RGS3: variants seen among roughly 807,000 people sequenced by gnomAD.
RGS3 encodes the protein regulator of G-protein signalling 3.
Under a neutral mutation model 132.6 loss-of-function variants are expected in RGS3, and 80 were observed. That is an observed-to-expected ratio of 0.60 (90% CI 0.50 to 0.73). The LOEUF is 0.73. Ranked by LOEUF, RGS3 falls within the 30% of genes least tolerant of loss-of-function variation. The probability of loss-of-function intolerance (pLI) is 0.00; values close to 1 mark genes in which losing one functional copy is unlikely to be tolerated. For missense variants in RGS3, 1,382 were observed against 1,530.8 expected (o/e 0.90, Z 1.62); for synonymous variants, 598 against 620.6 (o/e 0.96, Z 0.54).
chr9:113,565,182 G>C lies in RGS3; in HGVS notation c.2038-18268G>C. The C allele has an allele frequency of 8.1e-7, 1 of 1,231,488 alleles. No homozygotes were observed. Among genetic ancestry groups the C allele is most frequent in the Non-Finnish European group, 1.0e-6 (1 of 960,334 alleles). The allele number at this position is 1,231,488 out of a possible 1,614,324, so 76.3% of individuals were successfully genotyped here. A position where few individuals can be genotyped will look rare whatever the true frequency, so the allele number is the denominator to read the frequency against. Reference sequence around the variant, plus strand: ...CCTATGCGTGTGAGCATGTAACCCGGGAGCCAGCTGGGCCCCTCGCGGGGT... The same window carrying C: ...CCTATGCGTGTGAGCATGTAACCCGCGAGCCAGCTGGGCCCCTCGCGGGGT... On this transcript the variant is annotated intron_variant, in intron 19 of 24. Coordinates refer to ENST00000350696, the Ensembl canonical transcript of RGS3. The surrounding 1 kb of genome is among the most constrained non-coding windows in gnomAD (Gnocchi z 5.7).
intron 6 of RGS3, among the ~76,000 whole-genome samples, chr9:113,484,669 G>A (rs1394697027): frequency 6.6e-6 from 1 of 152,126 alleles, no homozygotes; most frequent in African/African-American, 2.4e-5. Context: ...TGTAAAATGG[G>A]GCTAATAATA....
At chr9:113,508,395 T>G in intron 13 of RGS3, 146 bp from the exon 12 acceptor site, 3 of 745,574 alleles carry the variant, frequency 4.0e-6, no homozygotes, top group Non-Finnish European at 6.9e-6. Context: ...GCCTCCTCCC[T>G]CAGCTGGTTA....
At chr9:113,551,278 T>C (rs1833328045) in intron 19 of RGS3, among the ~76,000 whole-genome samples, 1 of 152,250 alleles carries the variant, frequency 6.6e-6, no homozygotes, top group South Asian at 2.1e-4. Context: ...TTCAGGATCA[T>C]CCATGTTGTA....
exon 20 of RGS3, chr9:113,583,914 G>C (rs1370938997): frequency 6.2e-7 from 1 of 1,614,080 alleles, no homozygotes; most frequent in East Asian, 2.2e-5. Context: ...AGGACACCAT[G>C]AGCTCCGGGG....
chr9:113,519,510 CAAA>C (rs35813905), intron 16 of RGS3, among the ~76,000 whole-genome samples: 22 of 99,570 alleles, frequency 2.2e-4, no homozygotes, highest in Admixed American at 4.7e-4. Context: ...TTACTCACAC[CAAA>C]AAAAAAAAAA....
chr9:113,485,332 G>A (rs1307574765), intron 6 of RGS3, among the ~76,000 whole-genome samples: 1 of 151,970 alleles, frequency 6.6e-6, no homozygotes, highest in Non-Finnish European at 1.5e-5. Flanking sequence ...CTCATGATCC[G>A]CCCACCTCTG....
At chr9:113,597,062 G>C in exon 25 of RGS3, 1 of 882,080 alleles carries the variant, frequency 1.1e-6, no homozygotes, top group South Asian at 1.7e-5. Flanking sequence ...CAGAGGCTGT[G>C]TCTCTGGACA....
rs537927445 is a variant in RGS3 at position 113,522,590 on chromosome 9, C to G, written c.1759-340C>G. ...GGTGCTGGGCTGGAGGCTCCAGGAG[C>G]ATTTGGTCAGAGATGTAGGCTTCGG... On this transcript the variant is annotated intron_variant, in intron 16 of 24. Transcript: ENST00000350696. 3.9e-5 allele frequency: 10 copies of G among 256,216 alleles called. No homozygotes were observed. In the East Asian group the frequency reaches 8.7e-4, roughly 22 times the overall value. 15.9% of individuals were successfully genotyped at this position (256,216 alleles called of 1,614,324 possible). A position where few individuals can be genotyped will look rare whatever the true frequency, so the allele number is the denominator to read the frequency against.
chr9:113,580,950 GC>G, intron 19 of RGS3: 2 of 981,178 alleles, frequency 2.0e-6, no homozygotes, highest in Non-Finnish European at 2.4e-6. Flanking sequence ...TCCGTGCCAG[GC>G]CCTGAGGGCA....
intron 14 of RGS3, among the ~76,000 whole-genome samples, chr9:113,511,310 TG>T: frequency 6.6e-6 from 1 of 151,728 alleles, no homozygotes; most frequent in East Asian, 1.9e-4. Flanking sequence ...AAGGGTGATA[TG>T]GGGGTTTGGA....
At chr9:113,514,368 G>C in intron 14 of RGS3, 90 bp from the exon 13 acceptor site, 3 of 1,171,108 alleles carry the variant, frequency 2.6e-6, no homozygotes, top group Non-Finnish European at 3.7e-6. Context: ...GGTTGTTGAC[G>C]GAATGAGTCC....
intron 4 of RGS3, among the ~76,000 whole-genome samples, chr9:113,482,336 A>G (rs576411531): frequency 2.4e-4 from 37 of 152,344 alleles, no homozygotes; most frequent in African/African-American, 8.7e-4. Context: ...TGGAACAACT[A>G]CCATGTGAAG....
chr9:113,594,703 A>T (rs1835664281), intron 22 of RGS3, among the ~76,000 whole-genome samples, 172 bp downstream of exon 20: 3 of 151,970 alleles, frequency 2.0e-5, no homozygotes, highest in Admixed American at 6.5e-5. Flanking sequence ...CCTCACAGGG[A>T]GCAGCTGCCC....
At chr9:113,534,610 ATTTT>A (rs58115176) in intron 18 of RGS3, among the ~76,000 whole-genome samples, 4 of 128,754 alleles carry the variant, frequency 3.1e-5, no homozygotes, top group African/African-American at 5.7e-5. Context: ...GTACAGATGA[ATTTT>A]TTTTTTTTTT....
At chr9:113,596,259 G>A (rs903482621) in intron 24 of RGS3, among the ~76,000 whole-genome samples, 1 of 152,282 alleles carries the variant, frequency 6.6e-6, no homozygotes. Context: ...GCTTGAACCC[G>A]GGAGGCGGAG....
chr9:113,522,843 G>T (rs1286887666), intron 16 of RGS3, 87 bp from the exon 15 acceptor site: 7 of 846,718 alleles, frequency 8.3e-6, no homozygotes, highest in African/African-American at 5.0e-5. Context: ...GGGAGGCTGT[G>T]GCTCCCCACC....
chr9:113,447,329 G>GTATATATATATA (rs60991619), intron 1 of RGS3, among the ~76,000 whole-genome samples: 416 of 27,436 alleles, frequency 0.015, 48 homozygotes, highest in South Asian at 0.03. Context: ...GTATGTATAT[G>GTATATATATATA]TATATATATA....
Position 113,496,194 on chromosome 9 carries a change from G to A in RGS3, c.750+348G>A, listed in dbSNP as rs554103346. ...CAGAAGATGAGGGCCAGGTGCACCC[G>A]TGGTCCGTTCCAGGGGTCCTCTTCA... On this transcript the variant is annotated intron_variant, in intron 8 of 24. Transcript: ENST00000350696. Among the ~76,000 whole-genome samples the A allele has an allele frequency of 1.3e-3, 202 of 152,294 alleles. 1 individual carries two copies. The highest frequency in any genetic ancestry group is 2.5e-3 in the Non-Finnish European group (173 of 68,028).
chr9:113,486,764 C>T (rs1830345019), intron 7 of RGS3, among the ~76,000 whole-genome samples: 1 of 152,190 alleles, frequency 6.6e-6, no homozygotes, highest in Non-Finnish European at 1.5e-5. Flanking sequence ...CTTTAGTACT[C>T]TAAATGTTAT....
Sources: gnomAD v4.1 joint callset for allele counts (sites outside exome capture counted in the v4.1 genomes callset) on GRCh38, gnomAD v4.1.1 for gene constraint, Gnocchi (gnomAD v3.1) non-coding constraint, MANE v1.5 for transcripts, NCBI Gene and HGNC (gene_info 2026-07-23, HGNC 2026-07-21) for gene names.